The following ABI1 variants were observed in gnomAD, a reference collection of about 807,000 sequenced individuals.
ABI1 encodes the protein abl interactor 1.
ABI1 carries 14 observed loss-of-function variants against 54.6 expected under a neutral mutation model. The ratio of observed to expected loss-of-function variants is 0.26; its 90% CI spans 0.17 to 0.40. The LOEUF is 0.40. Ranked by LOEUF, ABI1 falls within the 10% of genes least tolerant of loss-of-function variation. ABI1 has a pLI of 1.00. For synonymous variants in ABI1, 194 were observed against 209.3 expected (o/e 0.93, Z 0.63); for missense variants, 443 against 598.3 (o/e 0.74, Z 2.71).
chr10:26,853,681 G>C (rs1358743289), intron 1 of ABI1, among the ~76,000 whole-genome samples: 2 of 151,844 alleles, frequency 1.3e-5, no homozygotes, highest in African/African-American at 4.8e-5. Flanking sequence ...TGGGACTACA[G>C]ATGCCCGCCA....
chr10:26,790,172 G>A (rs1227288678), intron 2 of ABI1, among the ~76,000 whole-genome samples: 1 of 152,126 alleles, frequency 6.6e-6, no homozygotes, highest in African/African-American at 2.4e-5. Flanking sequence ...TGGGTCAAAT[G>A]GTATTTCTGT....
In ABI1 at chr10:26,751,697, G is replaced by C. The variant is rs1291586307; in HGVS notation, c.1171C>G (p.Pro391Ala). 6.3e-7 allele frequency: 1 copy of C among 1,598,026 alleles called. No homozygotes were observed. Among genetic ancestry groups the C allele is most frequent in the Non-Finnish European group, 8.6e-7 (1 of 1,167,136 alleles). The change falls in exon 10 of 11, where the codon CCA becomes GCA. Residue 391 changes from proline to alanine, a missense_variant. By Grantham distance (27) the Pro-to-Ala change is conservative. Coordinates refer to ENST00000376140, the MANE Select transcript of ABI1 (RefSeq NM_001012750.3). ...DDSPPPPPPP[P>A]VDYEDEEAAV... The stretch of plus-strand genomic sequence containing the variant: ...GCCTCCTCATCTTCATAATCCACTG[G>C]TGGTGGTGGTGGGGGAGGTGGAGAG...
intron 3 of ABI1, among the ~76,000 whole-genome samples, chr10:26,773,212 A>ATTTTT (rs1342694391): frequency 1.6e-5 from 1 of 63,368 alleles, no homozygotes; most frequent in Non-Finnish European, 2.6e-5. Context: ...TCTAATGCTA[A>ATTTTT]TTCTTTTTTT....
At chr10:26,827,926 T>A (rs2048417384) in intron 1 of ABI1, among the ~76,000 whole-genome samples, 1 of 152,222 alleles carries the variant, frequency 6.6e-6, no homozygotes, top group Admixed American at 6.5e-5. Context: ...ATGTGTTCAG[T>A]GGACTAGCCC....
Position 26,748,750 on chromosome 10 carries a change from G to A in ABI1, c.1271-5C>T, listed in dbSNP as rs1398103610. The A allele has an allele frequency of 2.5e-6, 4 of 1,598,580 alleles. No individual in the cohort carries two copies. In the South Asian group the frequency reaches 3.4e-5, roughly 13 times the overall value. On this transcript the variant is annotated splice_region_variant and splice_polypyrimidine_tract_variant and intron_variant, in intron 10 of 10. Coordinates refer to ENST00000376140, the MANE Select transcript of ABI1 (RefSeq NM_001012750.3). ...TATAATCATATATTGCAACAACTATGGAAAAAACAGTTGAAATATCACATG... is the reference window on the plus strand; with the variant it reads ...TATAATCATATATTGCAACAACTATAGAAAAAACAGTTGAAATATCACATG...
intron 1 of ABI1, among the ~76,000 whole-genome samples, chr10:26,851,104 T>G (rs1362294886): frequency 2.0e-5 from 3 of 152,142 alleles, no homozygotes; most frequent in Non-Finnish European, 4.4e-5. Flanking sequence ...GGAAAGAATT[T>G]TGCAACATGG....
chr10:26,820,094 G>A (rs1488523627), intron 2 of ABI1, among the ~76,000 whole-genome samples: 1 of 152,188 alleles, frequency 6.6e-6, no homozygotes. Context: ...GGATGAATAA[G>A]TTCTGGAGAT....
At chr10:26,834,638 T>G (rs1459229943) in intron 1 of ABI1, among the ~76,000 whole-genome samples, 1 of 139,468 alleles carries the variant, frequency 7.2e-6, no homozygotes, top group Non-Finnish European at 1.5e-5. Context: ...GAAAAAATAT[T>G]CAACATCATT....
chr10:26,759,137 G>C lies in ABI1; in HGVS notation c.922C>G (p.Arg308Gly). 1 of 1,614,020 alleles carries C rather than the reference G, an allele frequency of 6.2e-7. No individual in the cohort carries two copies. Among genetic ancestry groups the C allele is most frequent in the Non-Finnish European group, 8.5e-7 (1 of 1,179,934 alleles). The change falls in exon 8 of 11, where the codon CGA becomes GGA. Residue 308 changes from arginine (R) to glycine (G), a missense_variant. Arg to Gly is a moderately radical substitution (Grantham distance 125). Coordinates refer to ENST00000376140, the MANE Select transcript of ABI1 (RefSeq NM_001012750.3). The stretch of plus-strand genomic sequence containing the variant: ...AATTGAGCAGTCACAGAGGGAGTTC[G>C]TCTGTATCCACCAGAAGATGTCGAA... Reference protein sequence around the residue: ...TSSTSSGGYRRTPSVTAQFSA... With the variant: ...TSSTSSGGYRGTPSVTAQFSA...
At chr10:26,835,021 T>C (rs1289954013) in intron 1 of ABI1, among the ~76,000 whole-genome samples, 1 of 135,956 alleles carries the variant, frequency 7.4e-6, no homozygotes, top group Non-Finnish European at 1.5e-5. Context: ...GACAATCACC[T>C]GAACCGAGAG....
In ABI1 at chr10:26,755,674, C is replaced by T. The variant is rs1470698024; in HGVS notation, c.1065G>A (p.Val355=). The T allele has an allele frequency of 1.9e-6, 3 of 1,613,416 alleles. No individual in the cohort carries two copies. In the Admixed American group the frequency reaches 5.0e-5, roughly 27 times the overall value. ...LTPQIPLTGF[V]ARVQENIADS... is the part of the protein sequence containing the mutation. ...ACTTACTGTTTTCCTGCACCCTGGC[C>T]ACGAAGCCTGTGAGAGGTATCTGTG... Residue 355 remains valine (V), a synonymous_variant, in exon 9 of 11, where the codon GTG becomes GTA. Transcript: ENST00000376140.
chr10:26,750,549 CTT>C (rs1837493586), intron 10 of ABI1, among the ~76,000 whole-genome samples: 1 of 152,098 alleles, frequency 6.6e-6, no homozygotes, highest in African/African-American at 2.4e-5. Flanking sequence ...ATATCCAAAA[CTT>C]GGGCAGGAAA....
intron 1 of ABI1, among the ~76,000 whole-genome samples, chr10:26,841,786 A>G (rs1026672604): frequency 1.3e-5 from 2 of 152,180 alleles, no homozygotes; most frequent in African/African-American, 4.8e-5. Flanking sequence ...TTAAGGCTGA[A>G]TAATATTCCA....
chr10:26,814,159 TGGGGCAA>T (rs2047412276), intron 2 of ABI1, among the ~76,000 whole-genome samples: 2 of 152,178 alleles, frequency 1.3e-5, no homozygotes, highest in South Asian at 4.1e-4. Flanking sequence ...ATAGACTGGA[TGGGGCAA>T]TTCATCCAAT....
chr10:26,750,691 C>G (rs1433688700), intron 10 of ABI1, among the ~76,000 whole-genome samples: 1 of 151,944 alleles, frequency 6.6e-6, no homozygotes, highest in Admixed American at 6.6e-5. Flanking sequence ...TTTCAGAACT[C>G]TATAGAAATA....
At chr10:26,823,923 T>C (rs1370569675) in intron 1 of ABI1, among the ~76,000 whole-genome samples, 1 of 151,458 alleles carries the variant, frequency 6.6e-6, no homozygotes, top group Non-Finnish European at 1.5e-5. Flanking sequence ...AATCAACAAC[T>C]TACACCACAA....
At chr10:26,827,503 G>A (rs2048377924) in intron 1 of ABI1, among the ~76,000 whole-genome samples, 1 of 151,918 alleles carries the variant, frequency 6.6e-6, no homozygotes, top group Non-Finnish European at 1.5e-5. Context: ...AATTACAGGT[G>A]TGAGCCACCA....
intron 2 of ABI1, 94 bp downstream of exon 2, chr10:26,823,044 T>C: frequency 8.9e-7 from 1 of 1,128,920 alleles, no homozygotes; most frequent in Middle Eastern, 2.0e-4. Context: ...ACCAGTAAGA[T>C]GAGTCAGAAA....
chr10:26,829,600 TAATA>T (rs1348462709), intron 1 of ABI1, among the ~76,000 whole-genome samples: 3 of 152,180 alleles, frequency 2.0e-5, no homozygotes, highest in Non-Finnish European at 4.4e-5. Context: ...ATGTCAATTT[TAATA>T]AATAAACAAC....
Sources: gnomAD v4.1 joint callset for allele counts (sites outside exome capture counted in the v4.1 genomes callset) on GRCh38, gnomAD v4.1.1 for gene constraint, MANE v1.5 for transcripts, NCBI Gene and HGNC (gene_info 2026-07-23, HGNC 2026-07-21) for gene names.